VTI1A: variants seen among roughly 807,000 people sequenced by gnomAD.
VTI1A encodes the protein vesicle transport through interaction with t-SNAREs 1A.
Under a neutral mutation model 34.9 loss-of-function variants are expected in VTI1A, and 22 were observed. The observed-to-expected ratio is 0.63, with a 90% CI of 0.45 to 0.90. The LOEUF is 0.90. Ranked by LOEUF, VTI1A falls within the 40% of genes least tolerant of loss-of-function variation. VTI1A has a pLI of 0.00. For synonymous variants in VTI1A, 87 were observed against 97.3 expected (o/e 0.89, Z 0.62); for missense variants, 268 against 275.6 (o/e 0.97, Z 0.20).
chr10:112,559,772 T>C (rs1221699282), intron 5 of VTI1A, among the ~76,000 whole-genome samples: 3 of 152,244 alleles, frequency 2.0e-5, no homozygotes, highest in Non-Finnish European at 2.9e-5. Context: ...ACAGCCATTC[T>C]AGATGTTGCT....
rs778802494 is a variant in VTI1A at position 112,736,111 on chromosome 10, G to GTGTATATA, written c.560+67114_560+67115insGTATATAT. Among the ~76,000 whole-genome samples, 528 of 116,166 alleles carry GTGTATATA rather than the reference G, an allele frequency of 4.5e-3. 3 individuals carry two copies. The highest frequency in any genetic ancestry group is 0.019 in the African/African-American group (503 of 26,716). 76.2% of individuals were successfully genotyped at this position (116,166 alleles called of 152,430 possible). A position where few individuals can be genotyped will look rare whatever the true frequency, so the allele number is the denominator to read the frequency against. ...ATATTTTACATATATATGTGTGTGT[G>GTGTATATA]TATATATATATATATATATATATAT... On this transcript the variant is annotated intron_variant, in intron 7 of 7. Transcript: ENST00000393077.
intron 5 of VTI1A, among the ~76,000 whole-genome samples, chr10:112,619,416 A>C (rs1274311355): frequency 2.0e-5 from 3 of 152,148 alleles, no homozygotes; most frequent in Non-Finnish European, 4.4e-5. Flanking sequence ...GAGATGGAGA[A>C]AATGTGGGCC....
At chr10:112,628,444 A>G (rs1458429192) in intron 5 of VTI1A, among the ~76,000 whole-genome samples, 1 of 152,214 alleles carries the variant, frequency 6.6e-6, no homozygotes, top group Non-Finnish European at 1.5e-5. Flanking sequence ...AACATGTATA[A>G]TAATCATTTT....
intron 3 of VTI1A, among the ~76,000 whole-genome samples, chr10:112,506,434 C>T (rs1849430533): frequency 3.9e-5 from 6 of 152,136 alleles, no homozygotes; most frequent in Non-Finnish European, 7.4e-5. Flanking sequence ...ACAGATGAGA[C>T]GGGCTACTAT....
chr10:112,522,304 G>T (rs1850053907), intron 3 of VTI1A, among the ~76,000 whole-genome samples: 1 of 152,006 alleles, frequency 6.6e-6, no homozygotes, highest in Non-Finnish European at 1.5e-5. Context: ...GCCAGACTGG[G>T]TAATTTGTTT....
At position 112,815,694 on chromosome 10, in the gene VTI1A, C is replaced by T. The variant is rs1409447370; in HGVS notation, c.*311C>T. ...CCAGTGACACTCCTAGCCCTCTGGA[C>T]GTGTCAAGGGCCGTGGTTTGGGAGA... On this transcript the variant is annotated 3_prime_UTR_variant, in exon 8 of 8. Transcript: ENST00000393077. 2.5e-5 allele frequency: 9 copies of T among 359,156 alleles called. No individual in the cohort carries two copies. The highest frequency in any genetic ancestry group is 4.3e-5 in the Admixed American group (1 of 23,360). The allele number at this position is 359,156 out of a possible 1,614,324, so 22.2% of individuals were successfully genotyped here.
intron 7 of VTI1A, among the ~76,000 whole-genome samples, chr10:112,716,721 C>T (rs1479471934): frequency 6.6e-6 from 1 of 152,146 alleles, no homozygotes; most frequent in African/African-American, 2.4e-5. Context: ...CACTGGAGCA[C>T]TTTGGATTTC....
chr10:112,839,368 G>A, the VTI1A span, among the ~76,000 whole-genome samples: 35 of 152,294 alleles, frequency 2.3e-4, no homozygotes, highest in South Asian at 6.9e-3. Context: ...AGGAGGTGAC[G>A]CCTGAGCTGA....
chr10:112,567,155 A>G lies in VTI1A; in HGVS notation c.427+28825A>G, dbSNP rs561310898. ...GGTAACCCACCTAGTTCAGCCTCCCAAGTAGCTGGAACTACAAGCACAGCC... is the reference window on the plus strand; with the variant it reads ...GGTAACCCACCTAGTTCAGCCTCCCGAGTAGCTGGAACTACAAGCACAGCC... On this transcript the variant is annotated intron_variant, in intron 5 of 7. Transcript: ENST00000393077. 5.3e-5 allele frequency among the ~76,000 whole-genome samples: 8 copies of G among 152,104 alleles called. No homozygotes were observed. The South Asian group carries it at 1.5e-3, about 28-fold the overall frequency.
chr10:112,727,208 A>C (rs1850062338), intron 7 of VTI1A, among the ~76,000 whole-genome samples: 1 of 152,196 alleles, frequency 6.6e-6, no homozygotes, highest in African/African-American at 2.4e-5. Context: ...CCTTCATTTC[A>C]GATAGTCTAA....
intron 5 of VTI1A, among the ~76,000 whole-genome samples, chr10:112,632,669 G>A (rs1052047713): frequency 6.6e-6 from 1 of 152,172 alleles, no homozygotes; most frequent in Non-Finnish European, 1.5e-5. Context: ...GTACCGGCCA[G>A]AAATAGTCAT....
At chr10:112,470,430 C>A (rs997353010) in intron 3 of VTI1A, among the ~76,000 whole-genome samples, 2 of 152,120 alleles carry the variant, frequency 1.3e-5, no homozygotes, top group African/African-American at 2.4e-5. Flanking sequence ...TACTGTAGTG[C>A]AGAAAAGCAT....
At chr10:112,814,402 G>T (rs1280083074) in intron 7 of VTI1A, among the ~76,000 whole-genome samples, 1 of 152,132 alleles carries the variant, frequency 6.6e-6, no homozygotes, top group African/African-American at 2.4e-5. Context: ...GCGTGGGCAC[G>T]GCTGTTTGAC....
chr10:112,456,267 C>G (rs573910847), intron 1 of VTI1A, among the ~76,000 whole-genome samples: 1 of 151,992 alleles, frequency 6.6e-6, no homozygotes, highest in East Asian at 1.9e-4. Context: ...TAATATAATA[C>G]AAAAATTAGC....
At chr10:112,691,247 T>C (rs7917140) in intron 7 of VTI1A, among the ~76,000 whole-genome samples, 29,798 of 149,148 alleles carry the variant, frequency 0.2, 6,401 homozygotes, top group African/African-American at 0.53. Flanking sequence ...GGCAACAGAA[T>C]GAGACTCTGC....
At chr10:112,719,682 G>A (rs1476967907) in intron 7 of VTI1A, among the ~76,000 whole-genome samples, 1 of 152,074 alleles carries the variant, frequency 6.6e-6, no homozygotes, top group Non-Finnish European at 1.5e-5. Context: ...GAGTAGTTGG[G>A]ATTACAGGCA....
At chr10:112,493,145 A>G (rs1848893786) in intron 3 of VTI1A, among the ~76,000 whole-genome samples, 1 of 152,206 alleles carries the variant, frequency 6.6e-6, no homozygotes, top group African/African-American at 2.4e-5. Flanking sequence ...AATTTCTTTT[A>G]GCAATGTTTT....
At chr10:112,718,257 A>C (rs1849677714) in intron 7 of VTI1A, among the ~76,000 whole-genome samples, 2 of 152,180 alleles carry the variant, frequency 1.3e-5, no homozygotes, top group South Asian at 4.1e-4. Context: ...TTTGCTCTGC[A>C]CCTGGGAGAT....
chr10:112,587,486 C>T (rs1365958843), intron 5 of VTI1A, among the ~76,000 whole-genome samples: 2 of 152,100 alleles, frequency 1.3e-5, no homozygotes, highest in Non-Finnish European at 2.9e-5. Context: ...GACTCCTTTA[C>T]ATTAATGAAG....
Sources: allele counts gnomAD v4.1 joint callset (sites outside exome capture counted in the v4.1 genomes callset), GRCh38; gene constraint gnomAD v4.1.1; transcripts MANE v1.5; gene names NCBI Gene and HGNC (gene_info 2026-07-23, HGNC 2026-07-21).